The following DPH6 variants were observed in gnomAD, a reference collection of about 807,000 sequenced individuals.
DPH6 encodes diphthine--ammonia ligase.
DPH6 carries 33 observed loss-of-function variants against 38.2 expected under a neutral mutation model. That is an observed-to-expected ratio of 0.86 (90% CI 0.65 to 1.15). The LOEUF (loss-of-function observed/expected upper bound fraction) is 1.15. Among genes scored for constraint, DPH6 ranks in the 50% most tolerant of loss-of-function variants. DPH6 has a pLI of 0.00. For missense variants in DPH6, 325 were observed against 320.0 expected (o/e 1.02, Z -0.12); for synonymous variants, 108 against 103.0 (o/e 1.05, Z -0.30).
intron 8 of DPH6, 103 bp downstream of exon 8, chr15:35,373,418 T>A: frequency 1.0e-6 from 1 of 994,096 alleles, no homozygotes; most frequent in Non-Finnish European, 1.4e-6. Context: ...TAAAAATCAA[T>A]TTTCTTTTTC....
At position 35,422,911 on chromosome 15, in the gene DPH6, A is replaced by G. The variant is rs527860719; in HGVS notation, c.506-12015T>C. 9.9e-5 allele frequency among the ~76,000 whole-genome samples: 15 copies of G among 152,018 alleles called. No individual in the cohort carries two copies. The South Asian group carries it at 1.7e-3, about 17-fold the overall frequency. ...GTTAGATTTCCTTTTTAAAGGTTGA[A>G]TAATACTTCATTGTATAAATATACC... is the stretch of plus-strand genomic sequence containing the variant. On this transcript the variant is annotated intron_variant, in intron 5 of 8. Coordinates refer to ENST00000256538, the MANE Select transcript of DPH6 (RefSeq NM_080650.4).
At chr15:35,492,297 G>T (rs186264949) in intron 3 of DPH6, among the ~76,000 whole-genome samples, 9 of 152,064 alleles carry the variant, frequency 5.9e-5, no homozygotes, top group Admixed American at 5.2e-4. Flanking sequence ...CACTCTCACG[G>T]ACACACCCAG....
intron 3 of DPH6, among the ~76,000 whole-genome samples, chr15:35,461,023 T>A (rs1424298042): frequency 1.3e-5 from 2 of 152,172 alleles, no homozygotes; most frequent in Non-Finnish European, 2.9e-5. Context: ...ATACAATGTT[T>A]AAGAATCCAA....
In DPH6 at chr15:35,294,478, A is replaced by G. The variant is rs78218114; in HGVS notation, n.201-73896T>C. ...CCATGAGGATTGAGCTGTAGACACT[A>G]CTAGTTGCAACAAGAAATCCTCCTT... On this transcript the variant is annotated intron_variant and non_coding_transcript_variant, in intron 3 of 3. Coordinates refer to the DPH6 transcript ENST00000560386. Among the ~76,000 whole-genome samples the G allele has an allele frequency of 1.8e-3, 281 of 152,284 alleles. 7 individuals carry two copies. In the East Asian group the frequency reaches 0.038, roughly 21 times the overall value.
chr15:35,478,356 T>A (rs573504811), intron 3 of DPH6, among the ~76,000 whole-genome samples: 1,262 of 104,670 alleles, frequency 0.012, 12 homozygotes, highest in Non-Finnish European at 0.018. Context: ...CATACACACA[T>A]ACCCACACAT....
At chr15:35,374,848 T>C (rs139515493) in intron 7 of DPH6, among the ~76,000 whole-genome samples, 38 of 152,082 alleles carry the variant, frequency 2.5e-4, no homozygotes, top group African/African-American at 8.0e-4. Context: ...GAGGCCCTCC[T>C]GCTTGCTACC....
At chr15:35,250,095 G>A (rs553642562) in intron 3 of DPH6, among the ~76,000 whole-genome samples, 2 of 152,018 alleles carry the variant, frequency 1.3e-5, no homozygotes, top group Admixed American at 1.3e-4. Flanking sequence ...GGAGAATGGA[G>A]TGAACCCGGG....
chr15:35,447,462 C>T (rs1201805151), intron 5 of DPH6, among the ~76,000 whole-genome samples: 2 of 152,006 alleles, frequency 1.3e-5, no homozygotes, highest in Admixed American at 1.3e-4. Context: ...CCATCTATTA[C>T]CTGTTTTGAC....
chr15:35,344,623 T>C (rs550486882), intron 3 of DPH6, among the ~76,000 whole-genome samples: 167 of 151,924 alleles, frequency 1.1e-3, no homozygotes, highest in Non-Finnish European at 1.8e-3. Context: ...AAGAGTAAAA[T>C]AGCATATGAT....
the DPH6 span, among the ~76,000 whole-genome samples, chr15:35,146,058 G>A: frequency 1.4e-5 from 2 of 145,334 alleles, no homozygotes; most frequent in African/African-American, 2.6e-5. Flanking sequence ...AATGTAATGG[G>A]CTTATAGTTT....
downstream of DPH6, chr15:35,366,026 T>C (rs2052655328): frequency 1.0e-6 from 1 of 984,402 alleles, no homozygotes; most frequent in African/African-American, 1.7e-5. Flanking sequence ...GAACCAAATG[T>C]TGGCAAATAA....
At chr15:35,338,495 C>T (rs942874014) in intron 3 of DPH6, among the ~76,000 whole-genome samples, 2 of 152,148 alleles carry the variant, frequency 1.3e-5, no homozygotes, top group Non-Finnish European at 2.9e-5. Context: ...CCATCTCACA[C>T]CAGTTAGAAT....
At chr15:35,521,433 GA>G in intron 3 of DPH6, 1 of 1,146,568 alleles carries the variant, frequency 8.7e-7, no homozygotes, top group Non-Finnish European at 1.1e-6. Context: ...AACAAATTCA[GA>G]AAAATTAAAC....
chr15:35,534,538 C>A (rs1484255403), intron 3 of DPH6, among the ~76,000 whole-genome samples: 1 of 151,672 alleles, frequency 6.6e-6, no homozygotes, highest in Admixed American at 6.6e-5. Flanking sequence ...AAGTTCTTGA[C>A]TACTGAAAAT....
At chr15:35,169,546 T>C in the DPH6 span, 5 of 152,136 alleles carry the variant, frequency 3.3e-5, no homozygotes, top group Non-Finnish European at 5.9e-5. Flanking sequence ...TTCATACACC[T>C]ATTTTCTCTT....
chr15:35,254,900 A>G (rs928994671), intron 3 of DPH6, among the ~76,000 whole-genome samples: 1 of 152,104 alleles, frequency 6.6e-6, no homozygotes, highest in African/African-American at 2.4e-5. Context: ...GGTGGGGAGA[A>G]TTACAAAGAA....
At chr15:35,264,703 C>T (rs531615038) in intron 3 of DPH6, among the ~76,000 whole-genome samples, 15 of 152,294 alleles carry the variant, frequency 9.8e-5, no homozygotes, top group African/African-American at 1.4e-4. Context: ...AAGCATACCA[C>T]GCATGTTCAT....
At chr15:35,294,170 T>TC (rs1436667333) in intron 3 of DPH6, among the ~76,000 whole-genome samples, 4 of 152,068 alleles carry the variant, frequency 2.6e-5, no homozygotes, top group African/African-American at 9.7e-5. Context: ...GCCACTCCTA[T>TC]CCCCCTTTCC....
the DPH6 span, among the ~76,000 whole-genome samples, chr15:35,195,897 G>A: frequency 3.3e-5 from 5 of 152,056 alleles, no homozygotes; most frequent in South Asian, 2.1e-4. Context: ...AGCTATCTAC[G>A]GGAATTTCAG....
Sources: allele counts gnomAD v4.1 joint callset (sites outside exome capture counted in the v4.1 genomes callset), GRCh38; gene constraint gnomAD v4.1.1; transcripts MANE v1.5; gene names NCBI Gene and HGNC (gene_info 2026-07-23, HGNC 2026-07-21).